RBFOX3: variants seen among roughly 807,000 people sequenced by gnomAD.
RBFOX3 encodes RNA binding fox-1 homolog 3, also known as RNA binding protein fox-1 homolog 3.
Under a neutral mutation model 48.7 loss-of-function variants are expected in RBFOX3, and 17 were observed. The observed-to-expected ratio is 0.35, with a 90% confidence interval of 0.24 to 0.52. The LOEUF is 0.52. Ranked by LOEUF, RBFOX3 falls within the 20% of genes least tolerant of loss-of-function variation. The probability of loss-of-function intolerance (pLI) is 0.94; values close to 1 mark genes in which losing one functional copy is unlikely to be tolerated. For missense variants in RBFOX3, 382 were observed against 497.5 expected (o/e 0.77, Z 2.21); for synonymous variants, 212 against 209.5 (o/e 1.01, Z -0.10).
intron 3 of RBFOX3, among the ~76,000 whole-genome samples, chr17:79,266,176 G>A (rs562843964): frequency 1.3e-5 from 2 of 152,266 alleles, no homozygotes; most frequent in South Asian, 2.1e-4. Flanking sequence ...TTCTCCCATG[G>A]CAGAAACAAC....
At chr17:79,498,244 G>A (rs1305342032) in intron 1 of RBFOX3, among the ~76,000 whole-genome samples, 12 of 152,160 alleles carry the variant, frequency 7.9e-5, no homozygotes, top group Non-Finnish European at 1.3e-4. Flanking sequence ...ATAGGAACTC[G>A]TTTTCCTTTT....
intron 3 of RBFOX3, among the ~76,000 whole-genome samples, chr17:79,269,992 C>T (rs2067375000): frequency 6.6e-6 from 1 of 152,124 alleles, no homozygotes; most frequent in South Asian, 2.1e-4. Flanking sequence ...TCTGCTGCTT[C>T]TCCATTCAGC....
At chr17:79,239,485 C>A (rs1245060433) in intron 3 of RBFOX3, among the ~76,000 whole-genome samples, 1 of 152,226 alleles carries the variant, frequency 6.6e-6, no homozygotes, top group African/African-American at 2.4e-5. Context: ...TCACACCCTT[C>A]AGCAAAGCCC....
At chr17:79,261,776 C>T (rs1600277068) in intron 3 of RBFOX3, among the ~76,000 whole-genome samples, 1 of 152,202 alleles carries the variant, frequency 6.6e-6, no homozygotes, top group Non-Finnish European at 1.5e-5. Flanking sequence ...GAAGGCTGCA[C>T]ACCCCACGCT....
chr17:79,572,385 T>C lies in RBFOX3; in HGVS notation c.-320+38441A>G, dbSNP rs1260116329. ...CAAGGTCCCTGTGTCCAGGAGCTCATTGTGGCCCCAGTGCCTAACACCCAG... is the reference window on the plus strand; with the variant it reads ...CAAGGTCCCTGTGTCCAGGAGCTCACTGTGGCCCCAGTGCCTAACACCCAG... On this transcript the variant is annotated intron_variant, in intron 1 of 14. Transcript: ENST00000693108. Among the ~76,000 whole-genome samples, 8 of 152,272 alleles carry C rather than the reference T, an allele frequency of 5.3e-5. No homozygotes were observed. The South Asian group carries it at 1.4e-3, about 28-fold the overall frequency.
chr17:79,232,351 C>T (rs1277421309), intron 4 of RBFOX3, among the ~76,000 whole-genome samples: 4 of 152,098 alleles, frequency 2.6e-5, no homozygotes, highest in Non-Finnish European at 5.9e-5. Context: ...GGACAAAGAA[C>T]AGGAAGATTA....
chr17:79,107,214 G>A (rs1009907204), intron 5 of RBFOX3, among the ~76,000 whole-genome samples: 3 of 152,232 alleles, frequency 2.0e-5, no homozygotes, highest in African/African-American at 7.2e-5. Flanking sequence ...GTGGTGAACT[G>A]CAGACAGATG....
chr17:79,246,577 C>G (rs1478381987), intron 3 of RBFOX3, among the ~76,000 whole-genome samples: 2 of 152,342 alleles, frequency 1.3e-5, no homozygotes, highest in East Asian at 1.9e-4. Context: ...CGTCCAGTCC[C>G]CACTTGGCTG....
intron 1 of RBFOX3, among the ~76,000 whole-genome samples, chr17:79,543,107 C>T (rs1240352980): frequency 6.6e-6 from 1 of 152,074 alleles, no homozygotes; most frequent in African/African-American, 2.4e-5. Flanking sequence ...CCACATGTAA[C>T]CCGGCATACG....
chr17:79,185,394 C>T (rs1026710463), intron 4 of RBFOX3, among the ~76,000 whole-genome samples: 6 of 152,188 alleles, frequency 3.9e-5, no homozygotes, highest in African/African-American at 1.2e-4. Context: ...CCGGGCATGC[C>T]TGGGCCAGGA....
chr17:79,464,487 G>C (rs925744193), intron 2 of RBFOX3, among the ~76,000 whole-genome samples: 1 of 152,216 alleles, frequency 6.6e-6, no homozygotes, highest in East Asian at 1.9e-4. Context: ...TACATCTGTC[G>C]GGGCGGCCCG....
chr17:79,178,561 T>C (rs1402307498), intron 4 of RBFOX3, among the ~76,000 whole-genome samples: 4 of 152,196 alleles, frequency 2.6e-5, no homozygotes, highest in Admixed American at 2.6e-4. Flanking sequence ...AACCTCCCAG[T>C]GCCTCGGTTT....
At chr17:79,455,732 C>T (rs79854976) in intron 2 of RBFOX3, among the ~76,000 whole-genome samples, 21,221 of 152,148 alleles carry the variant, frequency 0.14, 1,787 homozygotes, top group Middle Eastern at 0.21. Flanking sequence ...ATCAGACGGA[C>T]GCAGACATTC....
In RBFOX3 at chr17:79,150,026, G is replaced by GGTGGGGGGTGGGGGTGGGGGTTGAGA. The variant is rs1221454984; in HGVS notation, c.-33-34279_-33-34278insTCTCAACCCCCACCCCCACCCCCCAC. 8.4e-5 allele frequency among the ~76,000 whole-genome samples: 9 copies of GGTGGGGGGTGGGGGTGGGGGTTGAGA among 106,752 alleles called. 1 individual carries two copies. The highest frequency in any genetic ancestry group is 1.2e-4 in the Non-Finnish European group (6 of 52,144). The allele number at this position is 106,752 out of a possible 152,430, so 70.0% of individuals were successfully genotyped here. A position where few individuals can be genotyped will look rare whatever the true frequency, so the allele number is the denominator to read the frequency against. ...GTGGGGGATGGGGATGGGGGTTGAG[G>GGTGGGGGGTGGGGGTGGGGGTTGAGA]GTGGGGGGTGGGGGTGGGGGATGGG... On this transcript the variant is annotated intron_variant, in intron 4 of 14. Transcript: ENST00000693108.
chr17:79,388,777 C>T (rs766302074), intron 2 of RBFOX3, among the ~76,000 whole-genome samples: 17 of 152,164 alleles, frequency 1.1e-4, no homozygotes, highest in Non-Finnish European at 1.9e-4. Context: ...CCGGTGCTGC[C>T]GGAGCCTCTC....
upstream of RBFOX3, among the ~76,000 whole-genome samples, chr17:79,613,408 C>T (rs1266062892): frequency 6.6e-6 from 1 of 152,184 alleles, no homozygotes; most frequent in African/African-American, 2.4e-5. Context: ...GGGATCTGGC[C>T]GGAAGAGAGT....
At chr17:79,284,881 T>C (rs1368978354) in intron 3 of RBFOX3, among the ~76,000 whole-genome samples, 1 of 152,118 alleles carries the variant, frequency 6.6e-6, no homozygotes, top group East Asian at 1.9e-4. Flanking sequence ...TTTGGGGTCA[T>C]GAAGGGGCTG....
At chr17:79,650,294 C>T in the RBFOX3 span, among the ~76,000 whole-genome samples, 4 of 152,076 alleles carry the variant, frequency 2.6e-5, no homozygotes, top group African/African-American at 4.8e-5. Flanking sequence ...GCTGGATGCC[C>T]GGGCCGAGGG....
At chr17:79,545,271 G>T (rs74809002) in intron 1 of RBFOX3, among the ~76,000 whole-genome samples, 6,200 of 151,958 alleles carry the variant, frequency 0.041, 298 homozygotes, top group African/African-American at 0.12. Context: ...CCTCTCCCTC[G>T]CCCCTGCTAG....
Sources: allele counts gnomAD v4.1 joint callset (sites outside exome capture counted in the v4.1 genomes callset), GRCh38; gene constraint gnomAD v4.1.1; transcripts MANE v1.5; gene names NCBI Gene and HGNC (gene_info 2026-07-23, HGNC 2026-07-21).